The following ASAP1 variants were observed in gnomAD, a reference collection of about 807,000 sequenced individuals.
The protein encoded by ASAP1 is ArfGAP with SH3 domain, ankyrin repeat and PH domain 1.
ASAP1 carries 43 observed loss-of-function variants against 145.2 expected under a neutral mutation model. The observed-to-expected ratio is 0.30, with a 90% CI of 0.23 to 0.38. The LOEUF (loss-of-function observed/expected upper bound fraction) is 0.38, where lower values mean the gene tolerates loss of function less well. ASAP1 is among the 10% of genes least tolerant of loss of function. The pLI is 1.00. For missense variants in ASAP1, 1,018 were observed against 1,355.3 expected, an observed-to-expected ratio of 0.75 and a Z score of 3.91; for synonymous variants, 546 against 515.5, an observed-to-expected ratio of 1.06 and a Z score of -0.80.
At chr8:130,393,495 C>A (rs945804872) in intron 2 of ASAP1, among the ~76,000 whole-genome samples, 1 of 152,212 alleles carries the variant, frequency 6.6e-6, no homozygotes, top group Non-Finnish European at 1.5e-5. Context: ...GTGGCTCATG[C>A]CTGTAGTCCC....
intron 4 of ASAP1, among the ~76,000 whole-genome samples, chr8:130,226,832 G>C (rs934849456): frequency 6.6e-6 from 1 of 152,158 alleles, no homozygotes; most frequent in Admixed American, 6.5e-5. Context: ...CTACCTGCCA[G>C]AAGAAATACA....
intron 24 of ASAP1, among the ~76,000 whole-genome samples, chr8:130,099,012 C>CTTT (rs61047760): frequency 0.035 from 4,024 of 116,022 alleles, 205 homozygotes; most frequent in Middle Eastern, 0.068. Context: ...CTAATATAAG[C>CTTT]TTTTTTTTTT....
intron 3 of ASAP1, among the ~76,000 whole-genome samples, chr8:130,250,923 C>T (rs550683439): frequency 1.9e-3 from 291 of 152,202 alleles, no homozygotes; most frequent in Non-Finnish European, 3.3e-3. Context: ...ATATCTTTTT[C>T]CTGGAGATAC....
chr8:130,121,748 C>T (rs1430761432), intron 18 of ASAP1, among the ~76,000 whole-genome samples: 1 of 129,196 alleles, frequency 7.7e-6, no homozygotes, highest in Admixed American at 9.1e-5. Context: ...CGCATCACTG[C>T]ACTCCAGCCT....
At chr8:130,412,884 T>A (rs541514647) in intron 1 of ASAP1, among the ~76,000 whole-genome samples, 1 of 152,270 alleles carries the variant, frequency 6.6e-6, no homozygotes, top group East Asian at 1.9e-4. Flanking sequence ...CCTTAGGTGA[T>A]CCACCCACCT....
intron 26 of ASAP1, among the ~76,000 whole-genome samples, chr8:130,079,208 T>C (rs993490987): frequency 3.9e-5 from 6 of 152,072 alleles, no homozygotes; most frequent in Non-Finnish European, 5.9e-5. Flanking sequence ...AAAAGAGAGA[T>C]TTTGTTTTCT....
chr8:130,314,782 A>C (rs914590493), intron 3 of ASAP1, among the ~76,000 whole-genome samples: 1 of 152,240 alleles, frequency 6.6e-6, no homozygotes, highest in Non-Finnish European at 1.5e-5. Context: ...TAAACAATCC[A>C]AGACTGGTTT....
chr8:130,405,639 T>C (rs1457655120), intron 1 of ASAP1, among the ~76,000 whole-genome samples: 1 of 152,232 alleles, frequency 6.6e-6, no homozygotes, highest in Non-Finnish European at 1.5e-5. Context: ...CCTACGTCAC[T>C]AGACCATCGT....
intron 1 of ASAP1, among the ~76,000 whole-genome samples, chr8:130,410,143 C>T (rs754557050): frequency 3.3e-5 from 5 of 152,076 alleles, no homozygotes; most frequent in Non-Finnish European, 5.9e-5. Context: ...CACTAATATA[C>T]TGAAGAAAAA....
chr8:130,058,808 T>G (rs1268069747), intron 28 of ASAP1, among the ~76,000 whole-genome samples: 8 of 152,198 alleles, frequency 5.3e-5, no homozygotes, highest in Admixed American at 5.2e-4. Flanking sequence ...TCTTCCTCTC[T>G]GTCCCCTGGT....
intron 3 of ASAP1, among the ~76,000 whole-genome samples, chr8:130,289,207 C>CA (rs943493646): frequency 4.1e-4 from 60 of 146,508 alleles, no homozygotes; most frequent in South Asian, 6.5e-4. Context: ...CAAAAACAAA[C>CA]AAAAAAAAAA....
intron 22 of ASAP1, among the ~76,000 whole-genome samples, chr8:130,116,476 T>G (rs2097556164): frequency 6.6e-6 from 1 of 152,210 alleles, no homozygotes; most frequent in African/African-American, 2.4e-5. Context: ...TTCACCTCCT[T>G]TAACTGCATT....
Position 130,061,449 on chromosome 8 carries a change from T to C in ASAP1, c.2702-380A>G, listed in dbSNP as rs537039463. On this transcript the variant is annotated intron_variant, in intron 27 of 29. Coordinates refer to ENST00000518721, the MANE Select transcript of ASAP1 (RefSeq NM_018482.4). ...TTTTCCTATATATTTTCTATAGATA[T>C]AACTTTTACTTGCTTTTATCTAATA... is the stretch of plus-strand genomic sequence containing the variant. 3.9e-5 allele frequency among the ~76,000 whole-genome samples: 6 copies of C among 152,366 alleles called. No individual in the cohort carries two copies. The South Asian group carries it at 1.0e-3, about 26-fold the overall frequency.
chr8:130,097,005 A>G (rs543856376), intron 24 of ASAP1, among the ~76,000 whole-genome samples: 12 of 151,840 alleles, frequency 7.9e-5, no homozygotes, highest in African/African-American at 2.9e-4. Context: ...ATGCACCTGT[A>G]ATCCCAGCTA....
chr8:130,420,739 C>G (rs1207501367), intron 1 of ASAP1, among the ~76,000 whole-genome samples: 1 of 152,020 alleles, frequency 6.6e-6, no homozygotes. Flanking sequence ...ACTAAAAATA[C>G]AAAAATTAGC....
intron 29 of ASAP1, among the ~76,000 whole-genome samples, chr8:130,055,010 T>A (rs2097400639): frequency 6.6e-6 from 1 of 152,048 alleles, no homozygotes; most frequent in Non-Finnish European, 1.5e-5. Context: ...GAACTTCCAA[T>A]ATGCTCAGCA....
chr8:130,279,112 A>G (rs897736205), intron 3 of ASAP1, among the ~76,000 whole-genome samples: 7 of 152,184 alleles, frequency 4.6e-5, no homozygotes, highest in African/African-American at 1.7e-4. Context: ...GGTAAAAGCA[A>G]AATCTCCAAA....
chr8:130,189,575 TTCCGTATCTTGGCTAC>T (rs1814991876), intron 5 of ASAP1, among the ~76,000 whole-genome samples: 2 of 152,232 alleles, frequency 1.3e-5, no homozygotes, highest in African/African-American at 2.4e-5. Flanking sequence ...CTTAGGTTGA[TTCCGTATCTTGGCTAC>T]TGTGAATAGT....
At chr8:130,290,327 G>C (rs1821871310) in intron 3 of ASAP1, among the ~76,000 whole-genome samples, 1 of 152,136 alleles carries the variant, frequency 6.6e-6, no homozygotes, top group Non-Finnish European at 1.5e-5. Flanking sequence ...TGGTTCAGGT[G>C]AAACAGCAAG....
Sources: allele counts gnomAD v4.1 joint callset (sites outside exome capture counted in the v4.1 genomes callset), GRCh38; gene constraint gnomAD v4.1.1; transcripts MANE v1.5; gene names NCBI Gene and HGNC (gene_info 2026-07-23, HGNC 2026-07-21).